PDE4D: variants seen among roughly 807,000 people sequenced by gnomAD.
PDE4D encodes 3',5'-cyclic-AMP phosphodiesterase 4D.
PDE4D carries 24 observed loss-of-function variants against 87.4 expected under a neutral mutation model. The ratio of observed to expected loss-of-function variants is 0.27; its 90% confidence interval spans 0.20 to 0.39. PDE4D has a LOEUF of 0.39. PDE4D is among the 10% of genes least tolerant of loss of function. The probability of loss-of-function intolerance (pLI) is 1.00; values close to 1 mark genes in which losing one functional copy is unlikely to be tolerated. For missense variants in PDE4D, 714 were observed against 1,041.0 expected, an observed-to-expected ratio of 0.69 and a Z score of 4.32; for synonymous variants, 384 against 383.2, an observed-to-expected ratio of 1.00 and a Z score of -0.02.
At position 60,203,633 on chromosome 5, in the gene PDE4D, G is replaced by T. The variant is rs529492467; in HGVS notation, c.-89-17946C>A. On this transcript the variant is annotated intron_variant, in intron 1 of 16. Transcript: ENST00000502484. Reference sequence around the variant, plus strand: ...AAATATGTTTTTAAGTACAGAAAAAGTATATACAGTAATAGCTTTAAATGT... The same window carrying T: ...AAATATGTTTTTAAGTACAGAAAAATTATATACAGTAATAGCTTTAAATGT... 1.6e-4 allele frequency among the ~76,000 whole-genome samples: 24 copies of T among 152,266 alleles called. No individual in the cohort carries two copies. The East Asian group carries it at 4.6e-3, about 29-fold the overall frequency.
chr5:59,237,974 A>C (rs1756844387), intron 1 of PDE4D, among the ~76,000 whole-genome samples: 1 of 152,120 alleles, frequency 6.6e-6, no homozygotes, highest in South Asian at 2.1e-4. Flanking sequence ...TGGAGGTTAC[A>C]TTTATTCCTG....
intron 1 of PDE4D, among the ~76,000 whole-genome samples, chr5:60,374,263 A>G (rs905623462): frequency 1.3e-5 from 2 of 152,114 alleles, no homozygotes; most frequent in East Asian, 1.9e-4. Context: ...ATAAATTCCA[A>G]TGGACACTTT....
At chr5:60,033,013 A>G (rs910501040) in intron 2 of PDE4D, 2 of 152,160 alleles carry the variant, frequency 1.3e-5, no homozygotes, top group Non-Finnish European at 2.9e-5. Flanking sequence ...ATGTCTCTGT[A>G]TCAAGAATCT....
intron 6 of PDE4D, chr5:59,002,088 C>T (rs1433597950): frequency 3.9e-6 from 2 of 514,444 alleles, no homozygotes; most frequent in African/African-American, 3.9e-5. Flanking sequence ...AATCTGAATC[C>T]AAATATTTAA....
chr5:59,775,504 CA>C (rs57109312), intron 1 of PDE4D, among the ~76,000 whole-genome samples: 13 of 149,224 alleles, frequency 8.7e-5, no homozygotes, highest in Non-Finnish European at 1.2e-4. Flanking sequence ...AACTGACATA[CA>C]AAAAAAAAAT....
At chr5:59,442,854 C>T (rs572548736) in intron 1 of PDE4D, among the ~76,000 whole-genome samples, 8 of 152,172 alleles carry the variant, frequency 5.3e-5, no homozygotes, top group Non-Finnish European at 8.8e-5. Flanking sequence ...AAGAGTATAT[C>T]ATTTATATCA....
rs765524262 is a variant in PDE4D, at chr5:59,900,263, TACAC to T, written c.272+88221_272+88224del. 7.3e-4 allele frequency among the ~76,000 whole-genome samples: 99 copies of T among 135,834 alleles called. 1 individual carries two copies. Among genetic ancestry groups the T allele is most frequent in the African/African-American group, 1.9e-3 (63 of 32,588 alleles). The allele number at this position is 135,834 out of a possible 152,430, so 89.1% of individuals were successfully genotyped here. Reference sequence around the variant, plus strand: ...TCAAAAAAAAATATATATATATATATACACACACACACACACACACACACATATA... The same window carrying T: ...TCAAAAAAAAATATATATATATATATACACACACACACACACACACATATA... On this transcript the variant is annotated intron_variant, in intron 3 of 16. Coordinates refer to the PDE4D transcript ENST00000502484.
intron 1 of PDE4D, among the ~76,000 whole-genome samples, chr5:59,332,721 A>C (rs1161297845): frequency 1.3e-5 from 2 of 152,178 alleles, no homozygotes. Context: ...TCTGCACTCA[A>C]GATGACCATG....
intron 1 of PDE4D, among the ~76,000 whole-genome samples, chr5:59,585,716 A>C (rs796874557): frequency 6.6e-6 from 1 of 152,252 alleles, no homozygotes; most frequent in Non-Finnish European, 1.5e-5. Context: ...GAACCTTAAT[A>C]GATGACCAAA....
chr5:59,666,642 C>A (rs1246311605), intron 1 of PDE4D, among the ~76,000 whole-genome samples: 6 of 152,144 alleles, frequency 3.9e-5, no homozygotes, highest in Admixed American at 3.9e-4. Context: ...GAATGCATAG[C>A]GTGGCTTACT....
At chr5:59,581,290 T>C (rs1366330246) in intron 1 of PDE4D, among the ~76,000 whole-genome samples, 1 of 152,186 alleles carries the variant, frequency 6.6e-6, no homozygotes, top group Admixed American at 6.5e-5. Context: ...TGGGTTCTTC[T>C]TTGCATCTCA....
At chr5:59,984,102 A>C (rs1165150532) in intron 3 of PDE4D, among the ~76,000 whole-genome samples, 1 of 152,246 alleles carries the variant, frequency 6.6e-6, no homozygotes, top group Non-Finnish European at 1.5e-5. Flanking sequence ...AATTCCATTT[A>C]TGTGAAGTCC....
chr5:59,440,412 C>T (rs1797430982), intron 1 of PDE4D, among the ~76,000 whole-genome samples: 1 of 152,170 alleles, frequency 6.6e-6, no homozygotes, highest in African/African-American at 2.4e-5. Flanking sequence ...ATAGAATAGT[C>T]ACTACTGATA....
At chr5:59,712,149 T>C (rs1413399922) in intron 1 of PDE4D, among the ~76,000 whole-genome samples, 2 of 151,842 alleles carry the variant, frequency 1.3e-5, no homozygotes, top group Admixed American at 1.3e-4. Flanking sequence ...TAAACTGATA[T>C]CAGAAGGCTA....
At chr5:59,545,446 G>A (rs1474403541) in intron 1 of PDE4D, among the ~76,000 whole-genome samples, 5 of 152,130 alleles carry the variant, frequency 3.3e-5, no homozygotes, top group African/African-American at 1.2e-4. Flanking sequence ...TCACAACCAG[G>A]AGCTTCTCAA....
chr5:60,310,622 G>T (rs1156237509), intron 1 of PDE4D, among the ~76,000 whole-genome samples: 1 of 152,160 alleles, frequency 6.6e-6, no homozygotes, highest in Non-Finnish European at 1.5e-5. Flanking sequence ...ACAGAATAGG[G>T]TTCTAACAGA....
intron 1 of PDE4D, among the ~76,000 whole-genome samples, chr5:60,461,512 A>G (rs987588536): frequency 6.6e-6 from 1 of 152,252 alleles, no homozygotes; most frequent in African/African-American, 2.4e-5. Flanking sequence ...ACTGACTTTA[A>G]TAATTATTCA....
At chr5:59,749,563 T>C (rs948333689) in intron 1 of PDE4D, among the ~76,000 whole-genome samples, 6 of 152,190 alleles carry the variant, frequency 3.9e-5, no homozygotes, top group African/African-American at 1.4e-4. Flanking sequence ...TTATTTCTCC[T>C]GAAACAGTTT....
At chr5:60,082,292 C>T (rs1337208489) in intron 2 of PDE4D, among the ~76,000 whole-genome samples, 1 of 152,172 alleles carries the variant, frequency 6.6e-6, no homozygotes, top group Non-Finnish European at 1.5e-5. Flanking sequence ...CCTGCTTCCT[C>T]TCTCTGTTAT....
Sources: gnomAD v4.1 joint callset for allele counts (sites outside exome capture counted in the v4.1 genomes callset) on GRCh38, gnomAD v4.1.1 for gene constraint, MANE v1.5 for transcripts, NCBI Gene and HGNC (gene_info 2026-07-23, HGNC 2026-07-21) for gene names.